Variants in RIT2 observed in about 807,000 individuals in gnomAD.
The protein encoded by RIT2 is GTP-binding protein Rit2.
A neutral mutation model predicts 23.7 loss-of-function variants in RIT2; 24 were observed. That is an observed-to-expected ratio of 1.01 (90% CI 0.73 to 1.43). The LOEUF (loss-of-function observed/expected upper bound fraction) is 1.43, where lower values mean the gene tolerates loss of function less well. Among genes scored for constraint, RIT2 ranks in the 40% most tolerant of loss-of-function variants. The probability of loss-of-function intolerance (pLI) is 0.00; values close to 1 mark genes in which losing one functional copy is unlikely to be tolerated. For synonymous variants in RIT2, 107 were observed against 91.1 expected, an observed-to-expected ratio of 1.17 and a Z score of -0.99; for missense variants, 236 against 266.9, an observed-to-expected ratio of 0.88 and a Z score of 0.81.
In RIT2 at chr18:43,115,570, G is replaced by A; in HGVS notation, c.-51C>T. ...AAGAAGGAGAAAGTCACCCGTGTCA[G>A]GTGCTTGCTCGAATATTAAGCAACT... On this transcript the variant is annotated 5_prime_UTR_variant, in exon 1 of 5. Coordinates refer to ENST00000326695, the MANE Select transcript of RIT2 (RefSeq NM_002930.4). 2 of 1,586,350 alleles carry A rather than the reference G, an allele frequency of 1.3e-6. No individual in the cohort carries two copies. Among genetic ancestry groups the A allele is most frequent in the Admixed American group, 3.8e-5 (2 of 52,908 alleles).
At chr18:42,872,277 T>A (rs769794628) in intron 4 of RIT2, among the ~76,000 whole-genome samples, 2 of 152,168 alleles carry the variant, frequency 1.3e-5, no homozygotes, top group African/African-American at 4.8e-5. Flanking sequence ...TTCAGATATG[T>A]CTTGTTTGTT....
intron 2 of RIT2, among the ~76,000 whole-genome samples, chr18:42,986,637 G>A (rs970064522): frequency 5.9e-5 from 9 of 151,774 alleles, no homozygotes; most frequent in African/African-American, 1.7e-4. Flanking sequence ...GAGTAGCTGG[G>A]ACTATAGGTG....
At chr18:42,809,604 A>G (rs1905780231) in intron 4 of RIT2, among the ~76,000 whole-genome samples, 1 of 151,810 alleles carries the variant, frequency 6.6e-6, no homozygotes, top group African/African-American at 2.4e-5. Flanking sequence ...TTGTATGAAT[A>G]TATGTGTCAT....
chr18:42,751,035 A>T (rs1306365280), intron 4 of RIT2, among the ~76,000 whole-genome samples: 1 of 151,936 alleles, frequency 6.6e-6, no homozygotes, highest in Non-Finnish European at 1.5e-5. Context: ...GTTAAGGCTT[A>T]GACAAATAAT....
intron 4 of RIT2, among the ~76,000 whole-genome samples, chr18:42,885,611 G>T (rs963536271): frequency 6.6e-6 from 1 of 151,892 alleles, no homozygotes; most frequent in Non-Finnish European, 1.5e-5. Context: ...TAATAATCAG[G>T]CTCCAAAATA....
intron 4 of RIT2, among the ~76,000 whole-genome samples, chr18:42,872,435 A>C (rs1055835152): frequency 6.6e-6 from 1 of 152,198 alleles, no homozygotes; most frequent in South Asian, 2.1e-4. Context: ...TCTCTACAAC[A>C]GTTGAATAGA....
chr18:42,781,606 G>C (rs1719899210), intron 4 of RIT2, among the ~76,000 whole-genome samples: 1 of 152,160 alleles, frequency 6.6e-6, no homozygotes, highest in African/African-American at 2.4e-5. Flanking sequence ...GAACCCAGAG[G>C]AATGGTAAAA....
chr18:43,040,857 G>T (rs1912112012), intron 1 of RIT2, among the ~76,000 whole-genome samples: 2 of 152,036 alleles, frequency 1.3e-5, no homozygotes, highest in South Asian at 4.2e-4. Context: ...AATAACTTTG[G>T]CTTTAATGTT....
At chr18:42,979,154 A>G (rs1910539380) in intron 2 of RIT2, among the ~76,000 whole-genome samples, 3 of 152,130 alleles carry the variant, frequency 2.0e-5, no homozygotes, top group Admixed American at 1.3e-4. Context: ...AAAGTTTTTG[A>G]TTAATTAAAA....
At chr18:42,955,695 C>G (rs973662191) in intron 3 of RIT2, among the ~76,000 whole-genome samples, 4 of 152,038 alleles carry the variant, frequency 2.6e-5, no homozygotes, top group Non-Finnish European at 5.9e-5. Context: ...TATAATTGTC[C>G]TTTTTATTGA....
chr18:42,906,938 G>A (rs1908638573), intron 4 of RIT2, among the ~76,000 whole-genome samples: 1 of 152,164 alleles, frequency 6.6e-6, no homozygotes, highest in African/African-American at 2.4e-5. Flanking sequence ...AGAATCTGAT[G>A]CCTTGGAGGA....
intron 4 of RIT2, among the ~76,000 whole-genome samples, chr18:42,823,079 A>C (rs931925858): frequency 1.3e-5 from 2 of 152,150 alleles, no homozygotes; most frequent in Non-Finnish European, 2.9e-5. Context: ...AAGAGGCATT[A>C]AATTCCTGAT....
chr18:43,111,585 T>TA (rs113684508), intron 1 of RIT2, among the ~76,000 whole-genome samples: 2 of 152,188 alleles, frequency 1.3e-5, no homozygotes, highest in African/African-American at 4.8e-5. Flanking sequence ...ATAAAATATA[T>TA]ACACCTACTA....
intron 2 of RIT2, among the ~76,000 whole-genome samples, 198 bp downstream of exon 2, chr18:43,033,613 C>A (rs1372618907): frequency 1.3e-5 from 2 of 152,116 alleles, no homozygotes; most frequent in African/African-American, 4.8e-5. Flanking sequence ...TAATACCAGA[C>A]TACCCGGCAA....
At chr18:42,868,194 T>C (rs1907524400) in intron 4 of RIT2, among the ~76,000 whole-genome samples, 1 of 152,204 alleles carries the variant, frequency 6.6e-6, no homozygotes, top group Admixed American at 6.5e-5. Context: ...GGAAAGTAAA[T>C]CCATCACTTT....
At chr18:42,746,995 G>C (rs949786563) in intron 4 of RIT2, among the ~76,000 whole-genome samples, 2 of 151,906 alleles carry the variant, frequency 1.3e-5, no homozygotes, top group African/African-American at 4.8e-5. Context: ...ACATGAACAT[G>C]ACAAGGATGC....
chr18:43,018,656 CAAAT>C (rs1162031225), intron 2 of RIT2, among the ~76,000 whole-genome samples: 2 of 151,672 alleles, frequency 1.3e-5, no homozygotes, highest in African/African-American at 4.8e-5. Flanking sequence ...AAACCAAAAA[CAAAT>C]AAACAAACAA....
chr18:43,061,292 AG>A, intron 1 of RIT2, among the ~76,000 whole-genome samples: 1 of 152,180 alleles, frequency 6.6e-6, no homozygotes, highest in Non-Finnish European at 1.5e-5. Flanking sequence ...TAATCCATAA[AG>A]TAGTCTACCA....
chr18:42,876,654 T>A (rs77916346), intron 4 of RIT2, among the ~76,000 whole-genome samples: 7,805 of 151,944 alleles, frequency 0.051, 608 homozygotes, highest in East Asian at 0.32. Context: ...GAAAAATGTA[T>A]CTTTTGTGTT....
Sources: gnomAD v4.1 joint callset for allele counts (sites outside exome capture counted in the v4.1 genomes callset) on GRCh38, gnomAD v4.1.1 for gene constraint, MANE v1.5 for transcripts, NCBI Gene and HGNC (gene_info 2026-07-23, HGNC 2026-07-21) for gene names.